The following NBPF11 variants were observed in gnomAD, a reference collection of about 807,000 sequenced individuals.
The protein encoded by NBPF11 is NBPF family member NBPF11.
Under a neutral mutation model 93.9 loss-of-function variants are expected in NBPF11, and 72 were observed. That is an observed-to-expected ratio of 0.77 (90% CI 0.63 to 0.93). NBPF11 has a LOEUF of 0.93. Ranked by LOEUF, NBPF11 falls within the 40% of genes least tolerant of loss-of-function variation. The pLI is 0.00. For synonymous variants in NBPF11, 224 were observed against 304.9 expected, an observed-to-expected ratio of 0.73 and a Z score of 2.76; for missense variants, 705 against 802.2, an observed-to-expected ratio of 0.88 and a Z score of 1.46.
intron 13 of NBPF11, among the ~76,000 whole-genome samples, 163 bp from the exon 14 acceptor site, chr1:148,116,161 A>G (rs1666482374): frequency 6.6e-6 from 1 of 151,868 alleles, no homozygotes; most frequent in South Asian, 2.1e-4. Flanking sequence ...TCTGTCTGCA[A>G]CAGAGCATGG....
At chr1:148,128,866 G>A (rs1669677765) in intron 4 of NBPF11, among the ~76,000 whole-genome samples, 1 of 148,658 alleles carries the variant, frequency 6.7e-6, no homozygotes, top group South Asian at 2.1e-4. Flanking sequence ...TTTCCCCAAT[G>A]AAGGGCATTG....
rs60011437 is a variant in NBPF11 at position 148,124,605 on chromosome 1, T to G, written c.278+294A>C. 4.1e-3 allele frequency among the ~76,000 whole-genome samples: 621 copies of G among 151,792 alleles called. 6 individuals carry two copies. Among genetic ancestry groups the G allele is most frequent in the Non-Finnish European group, 6.5e-3 (444 of 68,002 alleles). On this transcript the variant is annotated intron_variant, in intron 6 of 23. Coordinates refer to ENST00000682118, the MANE Select transcript of NBPF11 (RefSeq NM_001385469.3). The stretch of plus-strand genomic sequence containing the variant: ...GGGTGGCAATAGCACACCATTTTGA[T>G]TATACTGAATGCTGCTGGGTGGTTC...
chr1:148,104,110 G>GAGAGAGAGAGAC (rs1325865731), intron 23 of NBPF11, among the ~76,000 whole-genome samples, 198 bp from the exon 24 acceptor site: 6 of 132,726 alleles, frequency 4.5e-5, no homozygotes, highest in African/African-American at 1.8e-4. Context: ...GACAGAGAGA[G>GAGAGAGAGAGAC]AGAGACAGAG....
intron 1 of NBPF11, chr1:148,146,591 G>A: frequency 1.2e-6 from 2 of 1,609,314 alleles, no homozygotes; most frequent in Non-Finnish European, 8.5e-7. Context: ...CCCGGGCGCT[G>A]GAAGCTGCAC....
At chr1:148,140,395 A>G (rs1395007083) in intron 2 of NBPF11, among the ~76,000 whole-genome samples, 20 of 151,792 alleles carry the variant, frequency 1.3e-4, no homozygotes, top group Admixed American at 5.2e-4. Context: ...CAAAAGCACA[A>G]TCTACTAATG....
intron 12 of NBPF11, among the ~76,000 whole-genome samples, chr1:148,117,207 C>T (rs1187313170): frequency 6.6e-6 from 1 of 151,374 alleles, no homozygotes; most frequent in Non-Finnish European, 1.5e-5. Flanking sequence ...CACTCACCGA[C>T]AGTTACTAAG....
intron 1 of NBPF11, among the ~76,000 whole-genome samples, chr1:148,144,897 G>C (rs1211319874): frequency 6.6e-6 from 1 of 150,718 alleles, no homozygotes; most frequent in Non-Finnish European, 1.5e-5. Flanking sequence ...TGAGCCCAAG[G>C]GTTTGAGACC....
chr1:148,122,223 G>A lies in NBPF11; in HGVS notation c.610C>T (p.Leu204=), dbSNP rs1170586399. 1 of 1,612,082 alleles carries A rather than the reference G, an allele frequency of 6.2e-7. No individual in the cohort carries two copies. The highest frequency in any genetic ancestry group is 8.5e-7 in the Non-Finnish European group (1 of 1,179,718). ...AEESKVPEDS[L]EECAITCSNS... ...GAACAAGTGATGGCACATTCCTCCAGTGAGTCCTCAGGGACTTTGCTCTCT... is the reference window on the plus strand; with the variant it reads ...GAACAAGTGATGGCACATTCCTCCAATGAGTCCTCAGGGACTTTGCTCTCT... Residue 204 remains leucine (L), a synonymous_variant, in exon 9 of 24, where the codon CTG becomes TTG. Transcript: ENST00000682118.
At chr1:148,117,972 C>T (rs1466494111) in intron 11 of NBPF11, among the ~76,000 whole-genome samples, 186 bp from the exon 12 acceptor site, 1 of 151,464 alleles carries the variant, frequency 6.6e-6, no homozygotes, top group Non-Finnish European at 1.5e-5. Flanking sequence ...TCCTCTGTAT[C>T]AGAGAGGGCT....
At chr1:148,148,708 G>A (rs1296004181) in intron 1 of NBPF11, among the ~76,000 whole-genome samples, 11 of 152,124 alleles carry the variant, frequency 7.2e-5, no homozygotes, top group Admixed American at 6.5e-5. Flanking sequence ...GGGTGGGCAA[G>A]GGCTGCAGGG....
intron 6 of NBPF11, 52 bp from the exon 7 acceptor site, chr1:148,124,119 G>C: frequency 1.2e-6 from 2 of 1,604,046 alleles, no homozygotes; most frequent in South Asian, 1.1e-5. Flanking sequence ...TGAGTGATCC[G>C]TTCAAATATT....
intron 16 of NBPF11, 140 bp from the exon 17 acceptor site, chr1:148,109,475 A>C (rs1331588824): frequency 1.4e-6 from 1 of 730,512 alleles, no homozygotes; most frequent in African/African-American, 1.9e-5. Context: ...ATATTCCAGT[A>C]GGCCTGAGGT....
rs1179518776 is a variant in NBPF11 at position 148,149,428 on chromosome 1, G to A, written c.-549+2322C>T. 1,110 of 1,581,132 alleles carry A rather than the reference G, an allele frequency of 7.0e-4. 12 individuals are homozygous for A. In the East Asian group the frequency reaches 0.022, roughly 31 times the overall value. On this transcript the variant is annotated intron_variant, in intron 1 of 23. Transcript: ENST00000682118. ...TGATCGACTTCTCGCACGGGCTGGC[G>A]CTCTACGAGCGCTGCCCCAAGGCGG... is the stretch of plus-strand genomic sequence containing the variant.
Position 148,103,754 on chromosome 1 carries a change from G to C in NBPF11, c.*142C>G. On this transcript the variant is annotated 3_prime_UTR_variant, in exon 24 of 24. Coordinates refer to ENST00000682118, the MANE Select transcript of NBPF11 (RefSeq NM_001385469.3). ...AAAAAACCTATTGTCCATGTCAAGG[G>C]CAAAGCTGATGTGCTGTTCCTCAAA... 5.0e-6 allele frequency: 8 copies of C among 1,611,800 alleles called. No homozygotes were observed. The South Asian group carries it at 8.8e-5, about 18-fold the overall frequency.
chr1:148,135,851 G>C (rs1671192717), intron 3 of NBPF11, 38 bp from the exon 4 acceptor site: 1 of 759,688 alleles, frequency 1.3e-6, no homozygotes, highest in Non-Finnish European at 2.2e-6. Context: ...TACCTCCCCA[G>C]AGGAAAAGGT....
rs1250060897 is a variant in NBPF11, at chr1:148,102,514, T to C, written c.*1382A>G. ...GATATCATAATGGTGTTGGACAAAC[T>C]AGACCTTCTCTGCCCGCAGATGGGC... On this transcript the variant is annotated 3_prime_UTR_variant, in exon 24 of 24. Coordinates refer to ENST00000682118, the MANE Select transcript of NBPF11 (RefSeq NM_001385469.3). 1 of 151,802 alleles carries C rather than the reference T, an allele frequency of 6.6e-6. No homozygotes were observed. Among genetic ancestry groups the C allele is most frequent in the African/African-American group, 2.4e-5 (1 of 41,094 alleles). The allele number at this position is 151,802 out of a possible 1,614,324, so 9.4% of individuals were successfully genotyped here. A position where few individuals can be genotyped will look rare whatever the true frequency, so the allele number is the denominator to read the frequency against.
chr1:148,138,190 G>A (rs1352794674), intron 2 of NBPF11, among the ~76,000 whole-genome samples: 1 of 150,782 alleles, frequency 6.6e-6, no homozygotes, highest in Non-Finnish European at 1.5e-5. Flanking sequence ...TTAAAGAGCA[G>A]TATTGCTGCC....
chr1:148,151,205 G>A (rs1344299054), intron 1 of NBPF11, among the ~76,000 whole-genome samples: 1 of 151,876 alleles, frequency 6.6e-6, no homozygotes, highest in Non-Finnish European at 1.5e-5. Context: ...TGGTTAATTG[G>A]AGGCTTGCCC....
chr1:148,146,601 C>T (rs1169309705), intron 1 of NBPF11: 2 of 1,609,964 alleles, frequency 1.2e-6, no homozygotes, highest in African/African-American at 1.3e-5. Context: ...GGAAGCTGCA[C>T]CTGACGGAGC....
Sources: allele counts gnomAD v4.1 joint callset (sites outside exome capture counted in the v4.1 genomes callset), GRCh38; gene constraint gnomAD v4.1.1; transcripts MANE v1.5; gene names NCBI Gene and HGNC (gene_info 2026-07-23, HGNC 2026-07-21).